The following ABCG2 variants were observed in gnomAD, a reference collection of about 807,000 sequenced individuals.
ABCG2 encodes broad substrate specificity ATP-binding cassette transporter ABCG2.
Under a neutral mutation model 73.5 loss-of-function variants are expected in ABCG2, and 80 were observed. The ratio of observed to expected loss-of-function variants is 1.09; its 90% CI spans 0.91 to 1.31. ABCG2 has a LOEUF of 1.31. ABCG2 is among the 50% of genes most tolerant of loss of function. The probability of loss-of-function intolerance (pLI) is 0.00; values close to 1 mark genes in which losing one functional copy is unlikely to be tolerated. For missense variants in ABCG2, 796 were observed against 786.2 expected (o/e 1.01, Z -0.15); for synonymous variants, 269 against 282.4 (o/e 0.95, Z 0.48).
chr4:88,156,057 G>C (rs1343604280), intron 1 of ABCG2, among the ~76,000 whole-genome samples: 4 of 151,986 alleles, frequency 2.6e-5, no homozygotes, highest in African/African-American at 9.7e-5. Context: ...ATTCTCTGAT[G>C]CCAGAAATCA....
rs141962436 is a variant in ABCG2 at position 88,128,315 on chromosome 4, C to T, written c.531+2746G>A. On this transcript the variant is annotated intron_variant, in intron 5 of 15. Transcript: ENST00000237612. Reference sequence around the variant, plus strand: ...GTGGAGAAATAAGAATGCTTTTACACTGTTGATGGGAGTGTAAATTAGTTC... The same window carrying T: ...GTGGAGAAATAAGAATGCTTTTACATTGTTGATGGGAGTGTAAATTAGTTC... Among the ~76,000 whole-genome samples, 963 of 152,328 alleles carry T rather than the reference C, an allele frequency of 6.3e-3. 6 individuals are homozygous for T. The highest frequency in any genetic ancestry group is 0.022 in the African/African-American group (925 of 41,558).
At chr4:88,094,384 T>C (rs560150579) in intron 15 of ABCG2, among the ~76,000 whole-genome samples, 193 bp downstream of exon 15, 2 of 152,334 alleles carry the variant, frequency 1.3e-5, no homozygotes, top group South Asian at 4.1e-4. Flanking sequence ...CAATTTTTAC[T>C]GCAGCAGAAT....
intron 1 of ABCG2, among the ~76,000 whole-genome samples, chr4:88,214,865 C>G (rs975517080): frequency 1.3e-5 from 2 of 151,972 alleles, no homozygotes; most frequent in African/African-American, 4.8e-5. Flanking sequence ...TCAAGTGATT[C>G]TCCTGCCTTG....
chr4:88,167,827 T>C lies in ABCG2; in HGVS notation c.-19-27813A>G, dbSNP rs377519452. On this transcript the variant is annotated intron_variant, in intron 1 of 15. Transcript: ENST00000515655. ...AGTGCTTGATGAAATAACCAGGGAA[T>C]GAACTGGAATTGTAGGGGTTAGGGG... Among the ~76,000 whole-genome samples, 537 of 152,238 alleles carry C rather than the reference T, an allele frequency of 3.5e-3. 1 individual carries two copies. Among genetic ancestry groups the C allele is most frequent in the African/African-American group, 0.012 (513 of 41,534 alleles).
chr4:88,163,800 C>A, upstream of ABCG2: 1 of 339,454 alleles, frequency 2.9e-6, no homozygotes, highest in South Asian at 2.7e-5. Context: ...CTGTCTGGGC[C>A]AAAGGAATAA....
chr4:88,113,619 G>C (rs1723301848), intron 8 of ABCG2, 66 bp from the exon 9 acceptor site: 1 of 1,564,818 alleles, frequency 6.4e-7, no homozygotes, highest in Admixed American at 1.8e-5. Flanking sequence ...CATTTTTTCT[G>C]TGAACCCTTT....
chr4:88,125,947 G>A (rs1724379259), intron 5 of ABCG2, among the ~76,000 whole-genome samples: 1 of 152,110 alleles, frequency 6.6e-6, no homozygotes, highest in Non-Finnish European at 1.5e-5. Context: ...CAGAACTGAA[G>A]GAGATAGAGA....
At position 88,158,420 on chromosome 4, in the gene ABCG2, C is replaced by A; in HGVS notation, c.-54G>T. The A allele has an allele frequency of 2.3e-6, 1 of 439,808 alleles. No homozygotes were observed. Among genetic ancestry groups the A allele is most frequent in the South Asian group, 1.6e-5 (1 of 60,756 alleles). The allele number at this position is 439,808 out of a possible 1,614,324, so 27.2% of individuals were successfully genotyped here. A position where few individuals can be genotyped will look rare whatever the true frequency, so the allele number is the denominator to read the frequency against. On this transcript the variant is annotated 5_prime_UTR_variant, in exon 1 of 16. Coordinates refer to ENST00000237612, the MANE Select transcript of ABCG2 (RefSeq NM_004827.3). ...TAGAGCTCGGTCTTAACCAAAGGCT[C>A]AGGATCTCAGGATGCGTGCGCTCGG...
chr4:88,140,270 T>C (rs1427013415), intron 1 of ABCG2, among the ~76,000 whole-genome samples: 1 of 151,958 alleles, frequency 6.6e-6, no homozygotes, highest in Non-Finnish European at 1.5e-5. Context: ...AATAAGTAAA[T>C]AGGAAGAGTA....
At chr4:88,097,650 T>G in intron 12 of ABCG2, 43 bp from the exon 13 acceptor site, 1 of 1,597,172 alleles carries the variant, frequency 6.3e-7, no homozygotes, top group Non-Finnish European at 8.6e-7. Context: ...ACTGCCTAGG[T>G]CACCGTATGT....
At position 88,192,028 on chromosome 4, in the gene ABCG2, T is replaced by C. The variant is rs1477946951; in HGVS notation, c.-20+38966A>G. Reference sequence around the variant, plus strand: ...TCTATTAAAAATACAAAAAATTAGCTAGGCATGGTGGCGCATGCCTGTAGC... The same window carrying C: ...TCTATTAAAAATACAAAAAATTAGCCAGGCATGGTGGCGCATGCCTGTAGC... On this transcript the variant is annotated intron_variant, in intron 1 of 15. Coordinates refer to the ABCG2 transcript ENST00000515655. 2.0e-5 allele frequency among the ~76,000 whole-genome samples: 3 copies of C among 151,846 alleles called. No individual in the cohort carries two copies. In the East Asian group the frequency reaches 5.8e-4, roughly 29 times the overall value.
intron 1 of ABCG2, among the ~76,000 whole-genome samples, chr4:88,190,705 G>A (rs1259553525): frequency 6.6e-6 from 1 of 152,172 alleles, no homozygotes; most frequent in African/African-American, 2.4e-5. Context: ...CACAGACTGA[G>A]AGAAAATATT....
At chr4:88,130,558 T>C (rs1333927682) in intron 5 of ABCG2, among the ~76,000 whole-genome samples, 3 of 152,114 alleles carry the variant, frequency 2.0e-5, no homozygotes, top group Non-Finnish European at 2.9e-5. Context: ...CCCTGGTCCA[T>C]AGAAAAACTG....
intron 1 of ABCG2, among the ~76,000 whole-genome samples, chr4:88,155,347 T>C (rs186351134): frequency 6.6e-6 from 1 of 152,216 alleles, no homozygotes; most frequent in African/African-American, 2.4e-5. Context: ...ACAAGATAGG[T>C]AACAGATGAG....
intron 1 of ABCG2, among the ~76,000 whole-genome samples, chr4:88,184,259 G>T (rs1728363766): frequency 6.6e-6 from 1 of 152,114 alleles, no homozygotes; most frequent in Non-Finnish European, 1.5e-5. Context: ...TGAAAAGAAG[G>T]AAGTCAAATT....
intron 2 of ABCG2, among the ~76,000 whole-genome samples, 155 bp from the exon 3 acceptor site, chr4:88,132,790 G>C: frequency 6.6e-6 from 1 of 152,046 alleles, no homozygotes; most frequent in Non-Finnish European, 1.5e-5. Flanking sequence ...AAACAAAACA[G>C]GTCATGCATG....
chr4:88,207,114 T>C (rs1729410268), intron 1 of ABCG2, among the ~76,000 whole-genome samples: 1 of 152,204 alleles, frequency 6.6e-6, no homozygotes, highest in Non-Finnish European at 1.5e-5. Flanking sequence ...TGCATTTTTA[T>C]GCATAACAAG....
intron 1 of ABCG2, among the ~76,000 whole-genome samples, chr4:88,188,385 T>C (rs1560745897): frequency 6.6e-6 from 1 of 152,044 alleles, no homozygotes; most frequent in African/African-American, 2.4e-5. Flanking sequence ...CAATTAACTT[T>C]GTTTTTTTTT....
rs776917004 is a variant in ABCG2, at chr4:88,097,645, C to T, written c.1493-38G>A. On this transcript the variant is annotated intron_variant, in intron 12 of 15. Transcript: ENST00000237612. ...GAGAAGAAGTAGTTAACCCAACTGC[C>T]TAGGTCACCGTATGTTTGGGATTGC... is the stretch of plus-strand genomic sequence containing the variant. The T allele has an allele frequency of 1.9e-6, 3 of 1,604,042 alleles. No individual in the cohort carries two copies. In the Admixed American group the frequency reaches 5.1e-5, roughly 27 times the overall value.
Sources: allele counts gnomAD v4.1 joint callset (sites outside exome capture counted in the v4.1 genomes callset), GRCh38; gene constraint gnomAD v4.1.1; transcripts MANE v1.5; gene names NCBI Gene and HGNC (gene_info 2026-07-23, HGNC 2026-07-21).